ADAMTS17: variants seen among roughly 807,000 people sequenced by gnomAD.
ADAMTS17 encodes A disintegrin and metalloproteinase with thrombospondin motifs 17.
ADAMTS17 carries 113 observed loss-of-function variants against 141.5 expected under a neutral mutation model. The observed-to-expected ratio is 0.80, with a 90% confidence interval of 0.69 to 0.93. ADAMTS17 has a LOEUF of 0.93. ADAMTS17 is among the 40% of genes least tolerant of loss of function. The pLI is 0.00. For missense variants in ADAMTS17, 1,659 were observed against 1,517.9 expected (o/e 1.09, Z -1.54); for synonymous variants, 768 against 630.6 (o/e 1.22, Z -3.27).
chr15:100,206,994 A>G lies in ADAMTS17; in HGVS notation c.1076-7571T>C, dbSNP rs181157280. Among the ~76,000 whole-genome samples, 26 of 152,328 alleles carry G rather than the reference A, an allele frequency of 1.7e-4. 1 individual carries two copies. The highest frequency in any genetic ancestry group is 5.5e-4 in the African/African-American group (23 of 41,574). ...AGAGTAGGGGCTGGTAAGAGCAAATACGTGCATTTTAATCATGCTCACTGT... is the reference window on the plus strand; with the variant it reads ...AGAGTAGGGGCTGGTAAGAGCAAATGCGTGCATTTTAATCATGCTCACTGT... On this transcript the variant is annotated intron_variant, in intron 7 of 21. Coordinates refer to ENST00000268070, the MANE Select transcript of ADAMTS17 (RefSeq NM_139057.4).
In ADAMTS17 at chr15:100,075,335, G is replaced by A. The variant is rs528511835; in HGVS notation, c.2137+21021C>T. 3.4e-4 allele frequency among the ~76,000 whole-genome samples: 51 copies of A among 152,210 alleles called. No individual in the cohort carries two copies. The East Asian group carries it at 8.7e-3, about 26-fold the overall frequency. On this transcript the variant is annotated intron_variant, in intron 15 of 21. Transcript: ENST00000268070. ...CCAGTTTCTCTAATAAATTCTTGCTGGTCTCAAATGTGTTCCCTTTGAGAT... is the reference window on the plus strand; with the variant it reads ...CCAGTTTCTCTAATAAATTCTTGCTAGTCTCAAATGTGTTCCCTTTGAGAT...
chr15:100,155,533 T>C (rs1475556221), intron 8 of ADAMTS17, among the ~76,000 whole-genome samples: 1 of 152,206 alleles, frequency 6.6e-6, no homozygotes. Context: ...ATTGAGCAAA[T>C]GACAGACACT....
At chr15:100,088,123 T>C (rs1366952396) in intron 15 of ADAMTS17, among the ~76,000 whole-genome samples, 2 of 152,194 alleles carry the variant, frequency 1.3e-5, no homozygotes, top group Non-Finnish European at 2.9e-5. Flanking sequence ...CTTGAGCTGA[T>C]AGGCAACTTC....
At position 100,243,714 on chromosome 15, in the gene ADAMTS17, C is replaced by T. The variant is rs150231116; in HGVS notation, c.1075+10422G>A. Among the ~76,000 whole-genome samples, 1,105 of 150,670 alleles carry T rather than the reference C, an allele frequency of 7.3e-3. 14 individuals are homozygous for T. The highest frequency in any genetic ancestry group is 0.026 in the African/African-American group (1,066 of 41,050). ...CTGAGGCAGGAGAACTGCTGGAACC[C>T]GGGAGGCAGAGGTTGTAGTGAGCGG... On this transcript the variant is annotated intron_variant, in intron 7 of 21. Coordinates refer to ENST00000268070, the MANE Select transcript of ADAMTS17 (RefSeq NM_139057.4).
intron 7 of ADAMTS17, among the ~76,000 whole-genome samples, chr15:100,209,686 A>G (rs1284011016): frequency 6.6e-6 from 1 of 152,148 alleles, no homozygotes; most frequent in Non-Finnish European, 1.5e-5. Context: ...ACAAAGAGGA[A>G]ACAGGTGACT....
At chr15:100,253,062 C>T (rs1432521715) in intron 7 of ADAMTS17, among the ~76,000 whole-genome samples, 1 of 152,034 alleles carries the variant, frequency 6.6e-6, no homozygotes, top group Non-Finnish European at 1.5e-5. Context: ...AATTTCATAA[C>T]AGTATATATT....
chr15:100,304,669 T>A (rs907637588), intron 3 of ADAMTS17, among the ~76,000 whole-genome samples: 2 of 152,208 alleles, frequency 1.3e-5, no homozygotes, highest in Non-Finnish European at 2.9e-5. Context: ...ACAGTTATTC[T>A]CATCGCTAAT....
At chr15:100,228,773 C>CTT (rs1007086933) in intron 7 of ADAMTS17, among the ~76,000 whole-genome samples, 8 of 152,192 alleles carry the variant, frequency 5.3e-5, no homozygotes, top group Admixed American at 2.6e-4. Flanking sequence ...GGGCAGGTGA[C>CTT]TTGTCTGTCC....
intron 20 of ADAMTS17, among the ~76,000 whole-genome samples, chr15:99,983,785 T>A (rs2060528215): frequency 6.6e-6 from 1 of 152,038 alleles, no homozygotes; most frequent in Admixed American, 6.5e-5. Context: ...TGAGTGAGTC[T>A]CTGAGGGGCC....
chr15:100,264,574 A>G (rs954047157), intron 4 of ADAMTS17, among the ~76,000 whole-genome samples: 3 of 152,226 alleles, frequency 2.0e-5, no homozygotes, highest in Non-Finnish European at 4.4e-5. Context: ...TCATATTCTG[A>G]TATGCCACAA....
rs763506234 is a variant in ADAMTS17, at chr15:100,155,260, T to G, written c.1242A>C (p.Ser414=). Residue 414 remains serine, a synonymous_variant, in exon 9 of 22, where the codon TCA becomes TCC. Coordinates refer to ENST00000268070, the MANE Select transcript of ADAMTS17 (RefSeq NM_139057.4). ...SSCAGRSHIM[S]GEWVKGRNPS... is the part of the protein sequence containing the mutation. ...GGTTCCGGCCTTTCACCCACTCTCC[T>G]GACATGATGTGGGACCTGCCAGCGC... is the stretch of plus-strand genomic sequence containing the variant. 2 of 1,614,232 alleles carry G rather than the reference T, an allele frequency of 1.2e-6. No individual in the cohort carries two copies. The highest frequency in any genetic ancestry group is 1.7e-6 in the Non-Finnish European group (2 of 1,180,046).
At chr15:100,294,125 A>G (rs373376211) in intron 3 of ADAMTS17, among the ~76,000 whole-genome samples, 2 of 152,332 alleles carry the variant, frequency 1.3e-5, no homozygotes, top group South Asian at 2.1e-4. Context: ...GGTCAGATAT[A>G]TAACAACACA....
At chr15:100,106,685 G>A (rs1464688235) in intron 14 of ADAMTS17, among the ~76,000 whole-genome samples, 3 of 152,204 alleles carry the variant, frequency 2.0e-5, no homozygotes, top group Non-Finnish European at 4.4e-5. Flanking sequence ...TGGCTCGGCT[G>A]GTGCTGCTCT....
intron 7 of ADAMTS17, among the ~76,000 whole-genome samples, chr15:100,230,457 G>A (rs1208493482): frequency 1.3e-5 from 2 of 152,198 alleles, no homozygotes; most frequent in African/African-American, 4.8e-5. Flanking sequence ...CCTCACAGCA[G>A]GGAGGGATCT....
chr15:100,185,997 C>G (rs755761950), intron 8 of ADAMTS17, among the ~76,000 whole-genome samples: 2 of 152,074 alleles, frequency 1.3e-5, no homozygotes, highest in African/African-American at 4.8e-5. Context: ...TACTCCACAC[C>G]TACGGGACGG....
At chr15:100,334,219 T>G (rs2046139539) in intron 2 of ADAMTS17, among the ~76,000 whole-genome samples, 1 of 152,208 alleles carries the variant, frequency 6.6e-6, no homozygotes, top group South Asian at 2.1e-4. Flanking sequence ...GAGGTTTTTA[T>G]CACCTAACGT....
At chr15:100,046,088 C>T (rs1404343145) in intron 18 of ADAMTS17, among the ~76,000 whole-genome samples, 1 of 152,140 alleles carries the variant, frequency 6.6e-6, no homozygotes, top group African/African-American at 2.4e-5. Flanking sequence ...ACTATGTTGG[C>T]CAGGCTGATC....
chr15:100,198,358 T>C (rs1301009449), intron 8 of ADAMTS17, among the ~76,000 whole-genome samples: 2 of 152,238 alleles, frequency 1.3e-5, no homozygotes, highest in African/African-American at 2.4e-5. Context: ...CAATTGCTTT[T>C]ATACTCCTTC....
intron 4 of ADAMTS17, among the ~76,000 whole-genome samples, chr15:100,273,376 T>C (rs2043978300): frequency 6.6e-6 from 1 of 152,178 alleles, no homozygotes; most frequent in Non-Finnish European, 1.5e-5. Context: ...TCAGTTACCT[T>C]ACTAATTATG....
Sources: gnomAD v4.1 joint callset for allele counts (sites outside exome capture counted in the v4.1 genomes callset) on GRCh38, gnomAD v4.1.1 for gene constraint, MANE v1.5 for transcripts, NCBI Gene and HGNC (gene_info 2026-07-23, HGNC 2026-07-21) for gene names.